SESN3: variants seen among roughly 807,000 people sequenced by gnomAD.
SESN3 encodes sestrin 3.
Under a neutral mutation model 55.3 loss-of-function variants are expected in SESN3, and 21 were observed. The ratio of observed to expected loss-of-function variants is 0.38; its 90% CI spans 0.27 to 0.55. SESN3 has a LOEUF of 0.55. SESN3 is among the 20% of genes least tolerant of loss of function. The pLI is 0.76. For synonymous variants in SESN3, 181 were observed against 203.1 expected (o/e 0.89, Z 0.93); for missense variants, 408 against 604.3 (o/e 0.68, Z 3.41).
At chr11:95,227,630 A>G (rs1238161262) in intron 1 of SESN3, among the ~76,000 whole-genome samples, 2 of 152,258 alleles carry the variant, frequency 1.3e-5, no homozygotes, top group East Asian at 3.8e-4. Context: ...CACTATAACT[A>G]TCTTAACATT....
Position 95,202,485 on chromosome 11 carries a change from A to G in SESN3, c.79-8963T>C, listed in dbSNP as rs192683911. On this transcript the variant is annotated intron_variant, in intron 1 of 9. Coordinates refer to ENST00000536441, the MANE Select transcript of SESN3 (RefSeq NM_144665.4). ...CTATTTGTTTATTTTCTTAGTTATTAAAACAAACAGTATCTATAATTTCCC... is the reference window on the plus strand; with the variant it reads ...CTATTTGTTTATTTTCTTAGTTATTGAAACAAACAGTATCTATAATTTCCC... 5.3e-4 allele frequency among the ~76,000 whole-genome samples: 80 copies of G among 152,194 alleles called. No individual in the cohort carries two copies. In the Middle Eastern group the frequency reaches 0.014, roughly 26 times the overall value.
intron 4 of SESN3, among the ~76,000 whole-genome samples, chr11:95,189,499 C>T (rs1163493703): frequency 6.6e-6 from 1 of 151,854 alleles, no homozygotes; most frequent in African/African-American, 2.4e-5. Flanking sequence ...CAGACTAGAT[C>T]CCAGGCATCC....
At chr11:95,205,150 G>A (rs1860525291) in intron 1 of SESN3, among the ~76,000 whole-genome samples, 1 of 152,194 alleles carries the variant, frequency 6.6e-6, no homozygotes, top group South Asian at 2.1e-4. Flanking sequence ...ACACATCGAG[G>A]GAACTATGTT....
At chr11:95,223,447 C>A (rs1172756172) in intron 1 of SESN3, among the ~76,000 whole-genome samples, 1 of 152,208 alleles carries the variant, frequency 6.6e-6, no homozygotes, top group Non-Finnish European at 1.5e-5. Flanking sequence ...GACCTTTCTT[C>A]AGCTGTTGCA....
chr11:95,177,652 C>G (rs1327381379), intron 8 of SESN3, 67 bp downstream of exon 8: 2 of 1,232,682 alleles, frequency 1.6e-6, no homozygotes, highest in Non-Finnish European at 2.3e-6. Context: ...CCAAACAGGA[C>G]AAAAATAAGA....
intron 4 of SESN3, among the ~76,000 whole-genome samples, chr11:95,186,284 C>T (rs550772946): frequency 6.8e-6 from 1 of 147,582 alleles, no homozygotes; most frequent in Non-Finnish European, 1.5e-5. Flanking sequence ...TTCCCTCCTT[C>T]CAAATCTAAA....
chr11:95,193,553 A>G (rs760261596), intron 1 of SESN3, 31 bp from the exon 2 acceptor site: 28 of 1,198,966 alleles, frequency 2.3e-5, no homozygotes, highest in South Asian at 1.4e-4. Context: ...TTATGTATCA[A>G]TGATGACTTT....
chr11:95,187,369 A>G (rs1353339102), intron 4 of SESN3, among the ~76,000 whole-genome samples: 1 of 151,924 alleles, frequency 6.6e-6, no homozygotes, highest in Non-Finnish European at 1.5e-5. Flanking sequence ...AAGGACAGCC[A>G]ACACTCACCA....
intron 1 of SESN3, among the ~76,000 whole-genome samples, chr11:95,214,799 C>A (rs1860721927): frequency 6.6e-6 from 1 of 152,074 alleles, no homozygotes; most frequent in Non-Finnish European, 1.5e-5. Context: ...GATGGAAAGA[C>A]CTACCAGAGT....
Position 95,230,904 on chromosome 11 carries a change from C to G in SESN3, c.-44G>C. 1 of 1,414,152 alleles carries G rather than the reference C, an allele frequency of 7.1e-7. No homozygotes were observed. Among genetic ancestry groups the G allele is most frequent in the Non-Finnish European group, 9.4e-7 (1 of 1,065,372 alleles). 87.6% of individuals were successfully genotyped at this position (1,414,152 alleles called of 1,614,324 possible). A position where few individuals can be genotyped will look rare whatever the true frequency, so the allele number is the denominator to read the frequency against. ...GGCGAGAGCGGGCGGAGGGCCGGGTCCGGGCTGTCACTGCGGCCACTGCAG... is the reference window on the plus strand; with the variant it reads ...GGCGAGAGCGGGCGGAGGGCCGGGTGCGGGCTGTCACTGCGGCCACTGCAG... On this transcript the variant is annotated 5_prime_UTR_variant, in exon 1 of 10. Transcript: ENST00000536441. This position sits in a 1 kb window ranked among gnomAD's most constrained non-coding sequence, Gnocchi z 4.6.
Position 95,185,279 on chromosome 11 carries a change from A to G in SESN3, c.739T>C (p.Ser247Pro). The G allele has an allele frequency of 6.2e-7, 1 of 1,609,424 alleles. No homozygotes were observed. The highest frequency in any genetic ancestry group is 8.5e-7 in the Non-Finnish European group (1 of 1,176,862). ...LANDNNIENA[S>P]LSGSNFGIVD... is the part of the protein sequence containing the mutation. Reference sequence around the variant, plus strand: ...ACCCCAAAGTTGCTGCCTGAAAGAGATGCATTCTCTATGTTGTTGTCATTA... The same window carrying G: ...ACCCCAAAGTTGCTGCCTGAAAGAGGTGCATTCTCTATGTTGTTGTCATTA... The change falls in exon 5 of 10, where the codon TCT becomes CCT. Residue 247 changes from serine (S) to proline (P), a missense_variant. Physicochemically the swap from Ser to Pro is moderately conservative, Grantham distance 74 (BLOSUM62 -1). Coordinates refer to ENST00000536441, the MANE Select transcript of SESN3 (RefSeq NM_144665.4).
chr11:95,208,030 A>AT (rs1376506213), intron 1 of SESN3, among the ~76,000 whole-genome samples: 7 of 142,524 alleles, frequency 4.9e-5, no homozygotes, highest in Non-Finnish European at 9.2e-5. Flanking sequence ...TCTAAAAAAA[A>AT]GAAATAATAA....
intron 1 of SESN3, among the ~76,000 whole-genome samples, chr11:95,229,371 A>C (rs1254892953): frequency 6.6e-6 from 1 of 152,214 alleles, no homozygotes; most frequent in Admixed American, 6.5e-5. Flanking sequence ...ATGGAAAAAA[A>C]TAACTGCACA....
At chr11:95,228,331 A>G (rs757484349) in intron 1 of SESN3, among the ~76,000 whole-genome samples, 1 of 152,230 alleles carries the variant, frequency 6.6e-6, no homozygotes, top group Non-Finnish European at 1.5e-5. Flanking sequence ...CCATCATTAT[A>G]TAGAAATATA....
rs1292784379 is a variant in SESN3 at position 95,168,441 on chromosome 11, TAGA to T, written c.*4811_*4813del. The T allele has an allele frequency of 6.6e-6, 1 of 152,230 alleles. No individual in the cohort carries two copies. The highest frequency in any genetic ancestry group is 1.5e-5 in the Non-Finnish European group (1 of 68,038). 9.4% of individuals were successfully genotyped at this position (152,230 alleles called of 1,614,324 possible). A position where few individuals can be genotyped will look rare whatever the true frequency, so the allele number is the denominator to read the frequency against. On this transcript the variant is annotated 3_prime_UTR_variant, in exon 10 of 10. Transcript: ENST00000536441. ...ATAAATATAAAGTTTCCTACTTTGA[TAGA>T]AGGCAAAAATCTTTTATGATTTATT... is the stretch of plus-strand genomic sequence containing the variant.
At chr11:95,216,008 GA>G (rs1417638482) in intron 1 of SESN3, among the ~76,000 whole-genome samples, 1 of 149,202 alleles carries the variant, frequency 6.7e-6, no homozygotes, top group Non-Finnish European at 1.5e-5. Context: ...TGAGGCAGGA[GA>G]ATGGCGTGAA....
intron 1 of SESN3, among the ~76,000 whole-genome samples, chr11:95,216,587 ATATC>A (rs1299930594): frequency 6.6e-6 from 1 of 152,004 alleles, no homozygotes; most frequent in Admixed American, 6.5e-5. Context: ...TAAATAATCT[ATATC>A]TAACTACAAA....
Position 95,173,152 on chromosome 11 carries a change from C to A in SESN3, c.*103G>T. 1.6e-6 allele frequency: 1 copy of A among 624,216 alleles called. No individual in the cohort carries two copies. Among genetic ancestry groups the A allele is most frequent in the Non-Finnish European group, 2.8e-6 (1 of 358,232 alleles). 38.7% of individuals were successfully genotyped at this position (624,216 alleles called of 1,614,324 possible). On this transcript the variant is annotated 3_prime_UTR_variant, in exon 10 of 10. Coordinates refer to ENST00000536441, the MANE Select transcript of SESN3 (RefSeq NM_144665.4). ...AAAAACAAACGGCTAAACTTTGACA[C>A]TAGAGAACTGAATAATTTTTGATGC...
intron 4 of SESN3, 79 bp from the exon 5 acceptor site, chr11:95,185,571 T>A (rs112427973): frequency 3.5e-6 from 3 of 867,708 alleles, no homozygotes; most frequent in African/African-American, 1.7e-5. Flanking sequence ...ATCTACCAAT[T>A]TTCATATATC....
Sources: allele counts gnomAD v4.1 joint callset (sites outside exome capture counted in the v4.1 genomes callset), GRCh38; gene constraint gnomAD v4.1.1; non-coding constraint Gnocchi (gnomAD v3.1); transcripts MANE v1.5; gene names NCBI Gene and HGNC (gene_info 2026-07-23, HGNC 2026-07-21).